Variants in RBM20 observed in about 807,000 individuals in gnomAD.
The protein encoded by RBM20 is RNA-binding protein 20.
RBM20 carries 51 observed loss-of-function variants against 110.1 expected under a neutral mutation model. The observed-to-expected ratio is 0.46, with a 90% CI of 0.37 to 0.59. The LOEUF is 0.59. Ranked by LOEUF, RBM20 falls within the 20% of genes least tolerant of loss-of-function variation. The pLI, the probability that RBM20 is intolerant of heterozygous loss-of-function variation, is 0.00. For missense variants in RBM20, 1,512 were observed against 1,574.9 expected (o/e 0.96, Z 0.68); for synonymous variants, 589 against 618.2 (o/e 0.95, Z 0.70).
At chr10:110,780,717 G>T in intron 1 of RBM20, 84 bp from the exon 2 acceptor site, 1 of 1,414,740 alleles carries the variant, frequency 7.1e-7, no homozygotes, top group South Asian at 1.5e-5. Context: ...TTATGTGGGA[G>T]GGGGGACCAC....
intron 1 of RBM20, among the ~76,000 whole-genome samples, chr10:110,779,470 C>T (rs1041002570): frequency 6.6e-6 from 1 of 152,226 alleles, no homozygotes; most frequent in Non-Finnish European, 1.5e-5. Context: ...TGTCATATAT[C>T]CTTTCTAATA....
intron 1 of RBM20, among the ~76,000 whole-genome samples, chr10:110,777,182 A>G (rs1844276738): frequency 6.6e-6 from 1 of 152,204 alleles, no homozygotes; most frequent in African/African-American, 2.4e-5. Flanking sequence ...TGTGGAACTT[A>G]TGTCTGGTGG....
chr10:110,784,795 A>G lies in RBM20; in HGVS notation c.1433A>G (p.Tyr478Cys), dbSNP rs1267304654. 6.5e-7 allele frequency: 1 copy of G among 1,540,504 alleles called. No homozygotes were observed. The highest frequency in any genetic ancestry group is 2.0e-5 in the Admixed American group (1 of 50,980). Residue 478 changes from tyrosine (Y) to cysteine (C), a missense_variant, in exon 5 of 14, where the codon TAT (tyrosine) becomes TGT (cysteine). Physicochemically the swap from Tyr to Cys is radical, Grantham distance 194. Around this residue, in one of 3 missense-constraint regions of RBM20, gnomAD observed 1,149 missense variants for 1,169.4 expected, o/e 0.98. Transcript: ENST00000369519. ...AVYNPAGNED[Y>C]ASNLGTSYVP... ...CTTTGTGTAATTCATCATTTAGATTATGCCTCAAATCTTGGAACATCATAC... is the reference window on the plus strand; with the variant it reads ...CTTTGTGTAATTCATCATTTAGATTGTGCCTCAAATCTTGGAACATCATAC...
chr10:110,771,042 T>G (rs925207672), intron 1 of RBM20, among the ~76,000 whole-genome samples: 5 of 152,254 alleles, frequency 3.3e-5, no homozygotes, highest in South Asian at 2.1e-4. Context: ...TTCAAAGCAT[T>G]GTAGCAATAC....
intron 1 of RBM20, among the ~76,000 whole-genome samples, chr10:110,778,488 C>T (rs865905758): frequency 1.3e-5 from 2 of 152,162 alleles, no homozygotes; most frequent in Non-Finnish European, 2.9e-5. Flanking sequence ...CAGCCTCTCT[C>T]GTTTTTGTTC....
At chr10:110,799,173 T>C (rs552666251) in intron 6 of RBM20, among the ~76,000 whole-genome samples, 99 of 152,320 alleles carry the variant, frequency 6.5e-4, no homozygotes, top group Middle Eastern at 3.4e-3. Flanking sequence ...TGTCTCTTGC[T>C]GTCACCATCA....
chr10:110,702,576 A>T (rs556882009), intron 1 of RBM20, among the ~76,000 whole-genome samples: 1 of 152,234 alleles, frequency 6.6e-6, no homozygotes, highest in South Asian at 2.1e-4. Flanking sequence ...TGTGAAGTTT[A>T]TGATTGGCTT....
chr10:110,819,053 G>A (rs1205680898), intron 9 of RBM20, among the ~76,000 whole-genome samples: 2 of 152,192 alleles, frequency 1.3e-5, no homozygotes, highest in African/African-American at 2.4e-5. Flanking sequence ...CAGCTCAAGG[G>A]GGTGTGTCTG....
intron 9 of RBM20, among the ~76,000 whole-genome samples, chr10:110,818,303 A>AAAC (rs1186610293): frequency 5.3e-5 from 8 of 151,212 alleles, no homozygotes; most frequent in Non-Finnish European, 7.4e-5. Context: ...AAAAAAAAAA[A>AAAC]AAAACCAAAA....
intron 12 of RBM20, among the ~76,000 whole-genome samples, chr10:110,826,583 CTTTTT>C (rs35918856): frequency 7.1e-6 from 1 of 140,918 alleles, no homozygotes; most frequent in Non-Finnish European, 1.6e-5. Flanking sequence ...CATTCTTCTT[CTTTTT>C]TTTTTTTTTT....
intron 1 of RBM20, among the ~76,000 whole-genome samples, chr10:110,720,584 G>A (rs1329961045): frequency 6.6e-6 from 1 of 152,054 alleles, no homozygotes; most frequent in Non-Finnish European, 1.5e-5. Flanking sequence ...CCCCTCCTCT[G>A]CTACCACCTG....
chr10:110,781,615 G>A lies in RBM20; in HGVS notation c.1006G>A (p.Gly336Ser). The A allele has an allele frequency of 6.4e-7, 1 of 1,550,830 alleles. No homozygotes were observed. The highest frequency in any genetic ancestry group is 8.7e-7 in the Non-Finnish European group (1 of 1,146,296). ...CCAAAGCAAGCCTGATCTCACAGCAGGTCCCATGTGGCCTCCACCCCACAA... is the reference window on the plus strand; with the variant it reads ...CCAAAGCAAGCCTGATCTCACAGCAAGTCCCATGTGGCCTCCACCCCACAA... ...SGQSKPDLTA[G>S]PMWPPPHNQP... Residue 336 changes from glycine to serine, a missense_variant, in exon 2 of 14, where the codon GGT (glycine) becomes AGT (serine). Gly to Ser is a moderately conservative substitution (Grantham distance 56). This residue lies in a region of RBM20 where 1,149 missense variants were observed against 1,169.4 expected (regional missense o/e 0.98). Transcript: ENST00000369519.
chr10:110,712,660 G>C (rs1332243691), intron 1 of RBM20, among the ~76,000 whole-genome samples: 1 of 152,146 alleles, frequency 6.6e-6, no homozygotes, highest in Non-Finnish European at 1.5e-5. Context: ...CCAGCTACTC[G>C]GGAGGCTGAG....
chr10:110,773,216 G>A (rs1844217191), intron 1 of RBM20, among the ~76,000 whole-genome samples: 1 of 152,154 alleles, frequency 6.6e-6, no homozygotes, highest in Admixed American at 6.5e-5. Context: ...ATGCACACAT[G>A]TGGAAAAATC....
At chr10:110,806,463 G>C (rs561843179) in intron 7 of RBM20, among the ~76,000 whole-genome samples, 1 of 152,244 alleles carries the variant, frequency 6.6e-6, no homozygotes, top group Non-Finnish European at 1.5e-5. Flanking sequence ...GCAGGGAGGT[G>C]CTACACACTT....
In RBM20 at chr10:110,799,894, G is replaced by A. The variant is rs530071637; in HGVS notation, c.1776G>A (p.Lys592=). Residue 592 remains lysine (K), a synonymous_variant, in exon 7 of 14, where the codon AAG becomes AAA. Coordinates refer to ENST00000369519, the MANE Select transcript of RBM20 (RefSeq NM_001134363.3). ...AGAAGTTGCTCATTCGGATGTCCAA[G>A]AGATACAAGGAATTGCAGCTCAAGG... ...NGEKLLIRMS[K]RYKELQLKKP... 1.3e-6 allele frequency: 2 copies of A among 1,552,042 alleles called. No individual in the cohort carries two copies. Among genetic ancestry groups the A allele is most frequent in the Non-Finnish European group, 1.7e-6 (2 of 1,147,028 alleles).
chr10:110,676,386 A>G (rs1001132850), intron 1 of RBM20, among the ~76,000 whole-genome samples: 5 of 152,370 alleles, frequency 3.3e-5, no homozygotes, highest in Non-Finnish European at 5.9e-5. Context: ...AAGTTAAACA[A>G]TGCACGAAAC....
chr10:110,830,788 C>T (rs755207609), intron 12 of RBM20, among the ~76,000 whole-genome samples: 2 of 152,154 alleles, frequency 1.3e-5, no homozygotes, highest in South Asian at 2.1e-4. Flanking sequence ...AACAGGCCAG[C>T]GGCAGGCCAT....
At chr10:110,705,157 G>A (rs1237766254) in intron 1 of RBM20, among the ~76,000 whole-genome samples, 2 of 152,156 alleles carry the variant, frequency 1.3e-5, no homozygotes, top group African/African-American at 2.4e-5. Context: ...TCTGTGGATT[G>A]GGTCATTTTG....
Sources: allele counts gnomAD v4.1 joint callset (sites outside exome capture counted in the v4.1 genomes callset), GRCh38; gene constraint gnomAD v4.1.1; regional missense constraint gnomAD v4.1.1; transcripts MANE v1.5; gene names NCBI Gene and HGNC (gene_info 2026-07-23, HGNC 2026-07-21).